DYRK4: variants seen among roughly 807,000 people sequenced by gnomAD.
The protein encoded by DYRK4 is dual specificity tyrosine phosphorylation regulated kinase 4, also known as dual specificity tyrosine-phosphorylation-regulated kinase 4.
DYRK4 carries 64 observed loss-of-function variants against 68.3 expected under a neutral mutation model. The ratio of observed to expected loss-of-function variants is 0.94; its 90% CI spans 0.77 to 1.15. DYRK4 has a LOEUF of 1.15. DYRK4 is among the 50% of genes most tolerant of loss of function. DYRK4 has a pLI of 0.00. For synonymous variants in DYRK4, 274 were observed against 289.9 expected (o/e 0.95, Z 0.56); for missense variants, 740 against 764.7 (o/e 0.97, Z 0.38).
chr12:4,584,587 G>T (rs1944876286), intron 2 of DYRK4, among the ~76,000 whole-genome samples: 2 of 114,490 alleles, frequency 1.7e-5, no homozygotes, highest in East Asian at 5.1e-4. Flanking sequence ...GCAGAGTCTT[G>T]CTCTGTCGCC....
At position 4,613,714 on chromosome 12, in the gene DYRK4, C is replaced by G; in HGVS notation, c.1866C>G (p.Phe622Leu). The G allele has an allele frequency of 6.3e-7, 1 of 1,583,466 alleles. No individual in the cohort carries two copies. Among genetic ancestry groups the G allele is most frequent in the Non-Finnish European group, 8.6e-7 (1 of 1,157,182 alleles). The stretch of plus-strand genomic sequence containing the variant: ...CCTCCCCAGGACAGAGCAAAAACTT[C>G]TCCCTCAAGAACACAAACGTTTTAC... Reference protein sequence around the residue: ...SMTSPGQSKNFSLKNTNVLPP... With the variant: ...SMTSPGQSKNLSLKNTNVLPP... The change falls in exon 15 of 15, where the codon TTC becomes TTG. Residue 622 changes from phenylalanine (F) to leucine (L), a missense_variant. Phe to Leu is a conservative substitution (Grantham distance 22). Coordinates refer to ENST00000543431, the MANE Select transcript of DYRK4 (RefSeq NM_001394779.1). This position sits in a 1 kb window ranked among gnomAD's most constrained non-coding sequence, Gnocchi z 4.0.
chr12:4,606,417 CAT>C (rs1434502771), intron 11 of DYRK4, among the ~76,000 whole-genome samples: 3 of 152,086 alleles, frequency 2.0e-5, no homozygotes, highest in African/African-American at 4.8e-5. Context: ...AATGACTAAA[CAT>C]AGATAATTTC....
chr12:4,574,120 G>A (rs1375140099), intron 2 of DYRK4, among the ~76,000 whole-genome samples: 1 of 151,906 alleles, frequency 6.6e-6, no homozygotes, highest in Non-Finnish European at 1.5e-5. Flanking sequence ...AGCTGCTCGG[G>A]AGGCTGAGGC....
intron 2 of DYRK4, 60 bp from the exon 3 acceptor site, chr12:4,588,877 T>C: frequency 6.7e-7 from 1 of 1,483,346 alleles, no homozygotes. Context: ...GTAACAAAAA[T>C]ATACAGTGTG....
intron 8 of DYRK4, among the ~76,000 whole-genome samples, chr12:4,598,547 A>G (rs1456061741): frequency 3.3e-5 from 5 of 152,196 alleles, no homozygotes; most frequent in African/African-American, 1.2e-4. Flanking sequence ...GGTGGGACCA[A>G]ACAGCCACAC....
intron 1 of DYRK4, among the ~76,000 whole-genome samples, chr12:4,565,523 T>C (rs1020482563): frequency 6.6e-6 from 1 of 152,218 alleles, no homozygotes; most frequent in Non-Finnish European, 1.5e-5. Flanking sequence ...CGAGGCTCCA[T>C]GATTCCTCAG....
intron 10 of DYRK4, chr12:4,603,211 T>C (rs528127457): frequency 1.8e-6 from 2 of 1,112,368 alleles, no homozygotes; most frequent in South Asian, 1.3e-5. Context: ...CCTGCAAAGA[T>C]TTGTCAGGAT....
At position 4,591,368 on chromosome 12, in the gene DYRK4, C is replaced by T. The variant is rs1378466475; in HGVS notation, c.463+70C>T. 1.2e-5 allele frequency: 18 copies of T among 1,558,480 alleles called. No homozygotes were observed. The highest frequency in any genetic ancestry group is 3.8e-5 in the Admixed American group (2 of 52,006). On this transcript the variant is annotated intron_variant, in intron 5 of 14. Coordinates refer to ENST00000543431, the MANE Select transcript of DYRK4 (RefSeq NM_001394779.1). The surrounding 1 kb of genome is among the most constrained non-coding windows in gnomAD (Gnocchi z 4.1). ...GGTCGGGGTGTTAAGAGCTAAGCTG[C>T]GCTGGAGTGAGCTAAGCTGCCAGGT...
intron 1 of DYRK4, 104 bp downstream of exon 1, chr12:4,562,387 T>A: frequency 7.2e-7 from 1 of 1,386,868 alleles, no homozygotes; most frequent in Non-Finnish European, 9.6e-7. Context: ...ATGAAAAGCG[T>A]GCAGAATGCA....
intron 2 of DYRK4, among the ~76,000 whole-genome samples, chr12:4,586,729 C>CACAG (rs1555122023): frequency 0.012 from 1,377 of 112,470 alleles, 20 homozygotes; most frequent in African/African-American, 0.035. Context: ...CACACACACA[C>CACAG]ACAGACACAC....
chr12:4,600,607 A>AT (rs1565540542), intron 10 of DYRK4, among the ~76,000 whole-genome samples: 4 of 149,384 alleles, frequency 2.7e-5, no homozygotes, highest in South Asian at 2.2e-4. Flanking sequence ...TGGTGGATCA[A>AT]TTTTTTTTCA....
At chr12:4,569,627 A>T (rs758260907) in intron 2 of DYRK4, among the ~76,000 whole-genome samples, 36 of 152,046 alleles carry the variant, frequency 2.4e-4, no homozygotes, top group African/African-American at 5.5e-4. Context: ...ATTGTTATTT[A>T]AAAAAAATTT....
intron 9 of DYRK4, 134 bp downstream of exon 9, chr12:4,599,300 T>C: frequency 1.2e-6 from 1 of 863,704 alleles, no homozygotes; most frequent in Non-Finnish European, 1.7e-6. Context: ...TTTGGTGCTC[T>C]ACTGTCATGG....
chr12:4,563,216 T>A, intron 1 of DYRK4: 1 of 451,608 alleles, frequency 2.2e-6, no homozygotes, highest in Non-Finnish European at 4.5e-6. Context: ...TCTTCAAACA[T>A]GCACTCTACC....
intron 10 of DYRK4, among the ~76,000 whole-genome samples, chr12:4,601,129 T>G (rs1753063947): frequency 2.0e-5 from 3 of 152,132 alleles, no homozygotes; most frequent in African/African-American, 4.8e-5. Context: ...AAACTAGGGG[T>G]AAAGTCCTAT....
intron 5 of DYRK4, 168 bp from the exon 6 acceptor site, chr12:4,592,834 C>T: frequency 1.5e-6 from 1 of 669,180 alleles, no homozygotes; most frequent in Non-Finnish European, 2.5e-6. Context: ...GACATTTATT[C>T]TTGTCATACT....
intron 1 of DYRK4, among the ~76,000 whole-genome samples, chr12:4,564,137 C>G (rs1944654567): frequency 6.6e-6 from 1 of 152,094 alleles, no homozygotes; most frequent in Non-Finnish European, 1.5e-5. Flanking sequence ...AAGGAATTCT[C>G]TGGCAGAAAT....
intron 1 of DYRK4, chr12:4,563,222 C>T: frequency 2.2e-6 from 1 of 446,914 alleles, no homozygotes; most frequent in Admixed American, 2.4e-5. Context: ...AACATGCACT[C>T]TACCTTATTG....
intron 12 of DYRK4, among the ~76,000 whole-genome samples, chr12:4,607,931 T>A (rs772261195): frequency 1.3e-5 from 2 of 152,226 alleles, no homozygotes; most frequent in African/African-American, 2.4e-5. Flanking sequence ...GTACGTGTCA[T>A]CTGTCTGATT....
Sources: gnomAD v4.1 joint callset for allele counts (sites outside exome capture counted in the v4.1 genomes callset) on GRCh38, gnomAD v4.1.1 for gene constraint, Gnocchi (gnomAD v3.1) non-coding constraint, MANE v1.5 for transcripts, NCBI Gene and HGNC (gene_info 2026-07-23, HGNC 2026-07-21) for gene names.